PLOD2: variants seen among roughly 807,000 people sequenced by gnomAD.
The protein encoded by PLOD2 is procollagen-lysine,2-oxoglutarate 5-dioxygenase 2.
Under a neutral mutation model 101.0 loss-of-function variants are expected in PLOD2, and 65 were observed. The observed-to-expected ratio is 0.64, with a 90% CI of 0.53 to 0.79. The LOEUF (loss-of-function observed/expected upper bound fraction) is 0.79. Ranked by LOEUF, PLOD2 falls within the 30% of genes least tolerant of loss-of-function variation. The pLI is 0.00. For synonymous variants in PLOD2, 314 were observed against 302.9 expected (o/e 1.04, Z -0.38); for missense variants, 909 against 914.6 (o/e 0.99, Z 0.08).
intron 1 of PLOD2, among the ~76,000 whole-genome samples, chr3:146,141,607 A>G (rs2108125518): frequency 6.6e-6 from 1 of 152,232 alleles, no homozygotes. Flanking sequence ...TGGAGACATA[A>G]TGGTAAACGA....
chr3:146,072,687 T>C (rs1172427405), intron 16 of PLOD2, 22 bp from the exon 17 acceptor site: 3 of 1,367,264 alleles, frequency 2.2e-6, no homozygotes. Flanking sequence ...GCATCATCGT[T>C]AGAAGACATA....
At chr3:146,153,395 T>A (rs1182669698) in intron 1 of PLOD2, among the ~76,000 whole-genome samples, 4 of 152,136 alleles carry the variant, frequency 2.6e-5, no homozygotes, top group Non-Finnish European at 5.9e-5. Flanking sequence ...GAGAATGCAT[T>A]TTAAAAGACC....
chr3:146,099,221 T>G (rs570796451), intron 7 of PLOD2, among the ~76,000 whole-genome samples: 1 of 152,164 alleles, frequency 6.6e-6, no homozygotes, highest in Non-Finnish European at 1.5e-5. Flanking sequence ...CACCTAGGTC[T>G]TTCTAAATGA....
intron 7 of PLOD2, among the ~76,000 whole-genome samples, chr3:146,098,965 T>C (rs1937292766): frequency 6.6e-6 from 1 of 152,184 alleles, no homozygotes; most frequent in Admixed American, 6.5e-5. Flanking sequence ...TATTTAACTT[T>C]AACCTAATAT....
At chr3:146,155,467 G>A (rs2032258971) in intron 1 of PLOD2, among the ~76,000 whole-genome samples, 1 of 151,888 alleles carries the variant, frequency 6.6e-6, no homozygotes, top group Admixed American at 6.6e-5. Flanking sequence ...AATCCCAGCA[G>A]TTTGGGAAGC....
At chr3:146,157,193 G>C (rs67154251) in intron 1 of PLOD2, among the ~76,000 whole-genome samples, 7 of 152,080 alleles carry the variant, frequency 4.6e-5, no homozygotes, top group Non-Finnish European at 8.8e-5. Flanking sequence ...ATAATTCTCA[G>C]AACAGGCCAG....
intron 8 of PLOD2, among the ~76,000 whole-genome samples, chr3:146,091,453 A>G (rs1936966457): frequency 6.6e-6 from 1 of 151,960 alleles, no homozygotes; most frequent in African/African-American, 2.4e-5. Flanking sequence ...AATCCAGCAC[A>G]GATAAAATTA....
intron 1 of PLOD2, among the ~76,000 whole-genome samples, chr3:146,143,461 G>GCGCC (rs1332070109): frequency 2.6e-5 from 4 of 151,936 alleles, no homozygotes; most frequent in Non-Finnish European, 5.9e-5. Context: ...AATTCTATCA[G>GCGCC]CATTACAGGA....
chr3:146,086,948 C>T (rs201454547), intron 9 of PLOD2, 40 bp from the exon 10 acceptor site: 109 of 1,256,118 alleles, frequency 8.7e-5, no homozygotes, highest in Non-Finnish European at 1.2e-4. Context: ...GAGAATAAGA[C>T]AATCAGATGA....
At chr3:146,131,831 T>C (rs73865315) in intron 1 of PLOD2, among the ~76,000 whole-genome samples, 1,576 of 152,314 alleles carry the variant, frequency 0.01, 35 homozygotes, top group African/African-American at 0.036. Flanking sequence ...AATTTTATTT[T>C]GTGGAATTGT....
In PLOD2 at chr3:146,161,022, G is replaced by A; in HGVS notation, c.-33C>T. 7.2e-7 allele frequency: 1 copy of A among 1,382,274 alleles called. No homozygotes were observed. Among genetic ancestry groups the A allele is most frequent in the Non-Finnish European group, 1.0e-6 (1 of 994,106 alleles). The allele number at this position is 1,382,274 out of a possible 1,614,324, so 85.6% of individuals were successfully genotyped here. Reference sequence around the variant, plus strand: ...CCTCGAGGGCCGCGCGGGCTCAGGCGCCCACGGCCCCGCAGCGCCGCGCTT... The same window carrying A: ...CCTCGAGGGCCGCGCGGGCTCAGGCACCCACGGCCCCGCAGCGCCGCGCTT... On this transcript the variant is annotated 5_prime_UTR_variant, in exon 1 of 20. Coordinates refer to ENST00000282903, the MANE Select transcript of PLOD2 (RefSeq NM_182943.3).
In PLOD2 at chr3:146,104,387, CA is replaced by C. The variant is rs570846970; in HGVS notation, c.616-46del. 237 of 931,200 alleles carry C rather than the reference CA, an allele frequency of 2.5e-4. No homozygotes were observed. In the African/African-American group the frequency reaches 3.5e-3, roughly 14 times the overall value. The allele number at this position is 931,200 out of a possible 1,614,324, so 57.7% of individuals were successfully genotyped here. Reference sequence around the variant, plus strand: ...ATGATATTGAAAATGACAACAAAAACAGCAAACATTCCTATCATATTAATAT... The same window carrying C: ...ATGATATTGAAAATGACAACAAAAACGCAAACATTCCTATCATATTAATAT... On this transcript the variant is annotated intron_variant, in intron 5 of 19. Coordinates refer to ENST00000282903, the MANE Select transcript of PLOD2 (RefSeq NM_182943.3).
chr3:146,151,677 G>A (rs73148986), intron 1 of PLOD2, among the ~76,000 whole-genome samples: 47,552 of 151,946 alleles, frequency 0.31, 7,835 homozygotes, highest in South Asian at 0.41. Context: ...TTGCTTACCC[G>A]TAAGTGCTTC....
intron 3 of PLOD2, among the ~76,000 whole-genome samples, chr3:146,112,412 A>G (rs531556296): frequency 6.6e-6 from 1 of 152,098 alleles, no homozygotes; most frequent in African/African-American, 2.4e-5. Flanking sequence ...AAAACCAAAC[A>G]CCACGTGTTC....
At chr3:146,123,791 T>A (rs2030361801) in intron 2 of PLOD2, among the ~76,000 whole-genome samples, 1 of 152,038 alleles carries the variant, frequency 6.6e-6, no homozygotes, top group African/African-American at 2.4e-5. Flanking sequence ...TACAAAGCAT[T>A]GGCAAAAATT....
rs766155244 is a variant in PLOD2 at position 146,160,881 on chromosome 3, C to G, written c.109G>C (p.Asp37His). ...DSEKPSSIPT[D>H]KLLVITVATK... ...CAGCGGCGGACCGCGGGGTGCTCACCTGTGGGGATGCTCGAGGGCTTCTCC... is the reference window on the plus strand; with the variant it reads ...CAGCGGCGGACCGCGGGGTGCTCACGTGTGGGGATGCTCGAGGGCTTCTCC... Residue 37 changes from aspartate to histidine, a missense_variant and splice_region_variant, in exon 1 of 20, where the codon GAT (aspartate) becomes CAT (histidine). Coordinates refer to ENST00000282903, the MANE Select transcript of PLOD2 (RefSeq NM_182943.3). 6.4e-7 allele frequency: 1 copy of G among 1,559,466 alleles called. No homozygotes were observed. Among genetic ancestry groups the G allele is most frequent in the Non-Finnish European group, 8.7e-7 (1 of 1,147,698 alleles).
At chr3:146,095,883 C>A (rs1937133975) in intron 7 of PLOD2, among the ~76,000 whole-genome samples, 1 of 139,834 alleles carries the variant, frequency 7.2e-6, no homozygotes, top group Admixed American at 7.1e-5. Flanking sequence ...CCCCTCTCCC[C>A]TCTCCCCTCT....
Position 146,104,288 on chromosome 3 carries a change from C to T in PLOD2, c.670G>A (p.Gly224Arg). Residue 224 changes from glycine to arginine, a missense_variant, in exon 6 of 20, where the codon GGA becomes AGA. By Grantham distance (125) the Gly-to-Arg change is moderately radical (BLOSUM62 -2). Coordinates refer to ENST00000282903, the MANE Select transcript of PLOD2 (RefSeq NM_182943.3). The part of the protein sequence containing the change: ...HKCKIFQTLN[G>R]AVDEVVLKFE... ...TATTTAGGAAGCATACCTACAGCTC[C>T]ATTTAAGGTCTGGAAAATTTTGCAT... The T allele has an allele frequency of 6.3e-7, 1 of 1,581,642 alleles. No individual in the cohort carries two copies. The highest frequency in any genetic ancestry group is 8.7e-7 in the Non-Finnish European group (1 of 1,150,502).
At chr3:146,112,393 C>G (rs900176001) in intron 3 of PLOD2, among the ~76,000 whole-genome samples, 1 of 152,034 alleles carries the variant, frequency 6.6e-6, no homozygotes, top group Admixed American at 6.5e-5. Context: ...CAAACTAACA[C>G]AGAAACAGAA....
Sources: gnomAD v4.1 joint callset for allele counts (sites outside exome capture counted in the v4.1 genomes callset) on GRCh38, gnomAD v4.1.1 for gene constraint, MANE v1.5 for transcripts, NCBI Gene and HGNC (gene_info 2026-07-23, HGNC 2026-07-21) for gene names.